DYNC1H1: variants seen among roughly 807,000 people sequenced by gnomAD.
DYNC1H1 encodes the protein dynein cytoplasmic 1 heavy chain 1, also known as cytoplasmic dynein 1 heavy chain 1.
A neutral mutation model predicts 527.1 loss-of-function variants in DYNC1H1; 51 were observed. The observed-to-expected ratio is 0.10, with a 90% CI of 0.08 to 0.12. The LOEUF is 0.12. Among genes scored for constraint, DYNC1H1 ranks in the 10% least tolerant of loss-of-function variants. DYNC1H1 has a pLI of 1.00. For synonymous variants in DYNC1H1, 2,189 were observed against 2,278.8 expected (o/e 0.96, Z 1.12); for missense variants, 2,771 against 5,971.8 (o/e 0.46, Z 17.66).
At chr14:102,003,671 T>C (rs1319406466) in intron 23 of DYNC1H1, among the ~76,000 whole-genome samples, 3 of 152,208 alleles carry the variant, frequency 2.0e-5, no homozygotes, top group African/African-American at 7.2e-5. Flanking sequence ...GGCTCACGCC[T>C]GTAATCCCAG....
At chr14:101,980,605 G>A in intron 5 of DYNC1H1, 55 bp downstream of exon 5, 1 of 1,577,596 alleles carries the variant, frequency 6.3e-7, no homozygotes. Context: ...GCTTTTACGA[G>A]ATCTTACTTG....
At chr14:102,032,640 C>T (rs2048522362) in intron 52 of DYNC1H1, 173 bp downstream of exon 52, 2 of 867,048 alleles carry the variant, frequency 2.3e-6, no homozygotes, top group South Asian at 3.1e-5. Context: ...GTGCTTGAGC[C>T]TAGGAGTTAG....
intron 51 of DYNC1H1, among the ~76,000 whole-genome samples, chr14:102,031,866 A>G (rs1007774170): frequency 2.6e-5 from 4 of 152,160 alleles, no homozygotes; most frequent in Non-Finnish European, 5.9e-5. Flanking sequence ...AGGCAGGAGA[A>G]TCACTAGAAC....
At position 102,020,940 on chromosome 14, in the gene DYNC1H1, G is replaced by A. The variant is rs1303675943; in HGVS notation, c.8507+884G>A. Among the ~76,000 whole-genome samples the A allele has an allele frequency of 6.6e-6, 1 of 152,202 alleles. No individual in the cohort carries two copies. The highest frequency in any genetic ancestry group is 1.5e-5 in the Non-Finnish European group (1 of 68,034). On this transcript the variant is annotated intron_variant, in intron 42 of 77. Transcript: ENST00000360184. This position sits in a 1 kb window ranked among gnomAD's most constrained non-coding sequence, Gnocchi z 4.3. ...ACCGGGTACATTACTGACAGCCACT[G>A]TAAGAGATGAGCAGGCAAGGCAGAG...
At chr14:101,968,122 G>A (rs777526837) in intron 1 of DYNC1H1, among the ~76,000 whole-genome samples, 3 of 152,120 alleles carry the variant, frequency 2.0e-5, no homozygotes, top group African/African-American at 4.8e-5. Flanking sequence ...GTGTATCTCC[G>A]TTCGGTGGGG....
At position 102,052,009 on chromosome 14, in the gene DYNC1H1, G is replaced by A. The variant is rs2048818194; in HGVS notation, c.*1446G>A. ...ACCTGGCCAAATTTTTGTATTTTTT[G>A]TAGAGATGGAATCTCGCTATTTTCC... On this transcript the variant is annotated 3_prime_UTR_variant, in exon 78 of 78. Coordinates refer to ENST00000360184, the MANE Select transcript of DYNC1H1 (RefSeq NM_001376.5). The A allele has an allele frequency of 6.6e-6, 1 of 152,120 alleles. No individual in the cohort carries two copies. The highest frequency in any genetic ancestry group is 6.6e-5 in the Admixed American group (1 of 15,262). 9.4% of individuals were successfully genotyped at this position (152,120 alleles called of 1,614,324 possible).
At position 101,983,360 on chromosome 14, in the gene DYNC1H1, C is replaced by T. The variant is rs1171938051; in HGVS notation, c.1234-22C>T. ...GAAAATATGTCTTAATAATAAGCCTCACTTTTGAAATTATATCCTAGGTTA... is the reference window on the plus strand; with the variant it reads ...GAAAATATGTCTTAATAATAAGCCTTACTTTTGAAATTATATCCTAGGTTA... On this transcript the variant is annotated intron_variant, in intron 6 of 77. Transcript: ENST00000360184. This position sits in a 1 kb window ranked among gnomAD's most constrained non-coding sequence, Gnocchi z 5.3. 2 of 1,613,932 alleles carry T rather than the reference C, an allele frequency of 1.2e-6. No homozygotes were observed. Among genetic ancestry groups the T allele is most frequent in the Non-Finnish European group, 1.7e-6 (2 of 1,179,944 alleles).
rs1340539091 is a variant in DYNC1H1 at position 102,000,919 on chromosome 14, G to T, written c.4075-35G>T. On this transcript the variant is annotated intron_variant, in intron 18 of 77. Transcript: ENST00000360184. ...TATTTCACCATTTAAAGAAATGTTG[G>T]CAAGCTAAATAGCATCTTATGTTTC... is the stretch of plus-strand genomic sequence containing the variant. 1.1e-5 allele frequency: 17 copies of T among 1,567,558 alleles called. No homozygotes were observed. In the East Asian group the frequency reaches 3.8e-4, roughly 35 times the overall value.
chr14:102,016,586 A>C lies in DYNC1H1; in HGVS notation c.7614+97A>C, dbSNP rs1567012584. 2 of 1,604,626 alleles carry C rather than the reference A, an allele frequency of 1.2e-6. No individual in the cohort carries two copies. Among genetic ancestry groups the C allele is most frequent in the Non-Finnish European group, 1.7e-6 (2 of 1,172,784 alleles). ...CCATGGACCTTGGCTTCGTCTTTTC[A>C]TTTTATTCCATTTCATAGAAGGACT... On this transcript the variant is annotated intron_variant, in intron 37 of 77. Coordinates refer to ENST00000360184, the MANE Select transcript of DYNC1H1 (RefSeq NM_001376.5). This position sits in a 1 kb window ranked among gnomAD's most constrained non-coding sequence, Gnocchi z 7.3.
intron 29 of DYNC1H1, among the ~76,000 whole-genome samples, chr14:102,009,026 G>C (rs1209718106): frequency 2.0e-5 from 3 of 152,116 alleles, no homozygotes; most frequent in African/African-American, 7.2e-5. Flanking sequence ...CATCGTCAGA[G>C]AGCCAGCCTC....
chr14:101,988,743 G>A lies in DYNC1H1; in HGVS notation c.2759G>A (p.Arg920Lys). Residue 920 changes from arginine to lysine, a missense_variant, in exon 10 of 78, where the codon AGA (arginine) becomes AAA (lysine). Transcript: ENST00000360184. Reference protein sequence around the residue: ...ILGVRLQAGLRAWTQVLLGQA... With the variant: ...ILGVRLQAGLKAWTQVLLGQA... ...GGCGTCCGTCTGCAAGCTGGCCTGA[G>A]AGCTTGGACGCAGGTTCTTCTTGGA... 6.2e-7 allele frequency: 1 copy of A among 1,614,224 alleles called. No individual in the cohort carries two copies. The highest frequency in any genetic ancestry group is 8.5e-7 in the Non-Finnish European group (1 of 1,180,044).
chr14:102,040,446 G>T, intron 63 of DYNC1H1, 36 bp downstream of exon 63: 3 of 1,613,952 alleles, frequency 1.9e-6, no homozygotes, highest in Non-Finnish European at 2.5e-6. Context: ...GTAGGTAAAT[G>T]TTGGCCTTTT....
chr14:101,996,865 C>T (rs1471954896), intron 15 of DYNC1H1, among the ~76,000 whole-genome samples, 170 bp from the exon 16 acceptor site: 1 of 151,290 alleles, frequency 6.6e-6, no homozygotes, highest in Non-Finnish European at 1.5e-5. Flanking sequence ...TCAAGTAATC[C>T]ACCTGCCTCA....
intron 2 of DYNC1H1, among the ~76,000 whole-genome samples, chr14:101,976,060 G>A (rs113462105): frequency 1.1e-4 from 17 of 151,340 alleles, no homozygotes; most frequent in Non-Finnish European, 2.2e-4. Flanking sequence ...GACATGCACC[G>A]CCACGCCTGG....
chr14:102,048,977 C>T (rs1023478866), intron 74 of DYNC1H1: 5 of 458,790 alleles, frequency 1.1e-5, no homozygotes, highest in Middle Eastern at 6.4e-4. Flanking sequence ...TGGTGACAGA[C>T]GGTAGTAGGT....
intron 43 of DYNC1H1, among the ~76,000 whole-genome samples, chr14:102,025,554 C>T: frequency 7.2e-6 from 1 of 138,396 alleles, no homozygotes. Context: ...AGAGTGAGAC[C>T]CTGTCTCAAG....
Position 102,011,943 on chromosome 14 carries a change from G to A in DYNC1H1, c.6687G>A (p.Gly2229=), listed in dbSNP as rs553054991. 5 of 1,614,124 alleles carry A rather than the reference G, an allele frequency of 3.1e-6. No homozygotes were observed. Among genetic ancestry groups the A allele is most frequent in the East Asian group, 2.2e-5 (1 of 44,886 alleles). ...TGATGGTGGGGCCCTCGGGAAGTGG[G>A]AAGAGCATGGCCTGGCGTGTCCTGC... ...GLMMVGPSGS[G]KSMAWRVLLK... The change falls in exon 33 of 78, where the codon GGG becomes GGA. Residue 2229 remains glycine (G), a synonymous_variant. Transcript: ENST00000360184. This position sits in a 1 kb window ranked among gnomAD's most constrained non-coding sequence, Gnocchi z 5.3.
chr14:102,038,977 CT>C lies in DYNC1H1; in HGVS notation c.11207-23del. On this transcript the variant is annotated intron_variant, in intron 59 of 77. Transcript: ENST00000360184. This position sits in a 1 kb window ranked among gnomAD's most constrained non-coding sequence, Gnocchi z 7.2. The stretch of plus-strand genomic sequence containing the variant: ...ATACCTTTTGAAGGATTATTGCAAA[CT>C]CTGGATGTTTTATTCATTTAAGGGG... The C allele has an allele frequency of 6.2e-7, 1 of 1,613,950 alleles. No homozygotes were observed. The highest frequency in any genetic ancestry group is 8.5e-7 in the Non-Finnish European group (1 of 1,180,028).
chr14:101,999,875 A>G, intron 16 of DYNC1H1, 114 bp from the exon 17 acceptor site: 1 of 1,467,572 alleles, frequency 6.8e-7, no homozygotes, highest in Non-Finnish European at 9.4e-7. Flanking sequence ...AGATGTGTGC[A>G]AAGAATCCGA....
Sources: gnomAD v4.1 joint callset for allele counts (sites outside exome capture counted in the v4.1 genomes callset) on GRCh38, gnomAD v4.1.1 for gene constraint, Gnocchi (gnomAD v3.1) non-coding constraint, MANE v1.5 for transcripts, NCBI Gene and HGNC (gene_info 2026-07-23, HGNC 2026-07-21) for gene names.